PGBD2: variants seen among roughly 807,000 people sequenced by gnomAD.
PGBD2 encodes the protein piggyBac transposable element-derived protein 2.
Under a neutral mutation model 8.1 loss-of-function variants are expected in PGBD2, and 6 were observed. The ratio of observed to expected loss-of-function variants is 0.74; its 90% CI spans 0.40 to 1.46. PGBD2 has a LOEUF of 1.46. Among genes scored for constraint, PGBD2 ranks in the 40% most tolerant of loss-of-function variants. PGBD2 has a pLI of 0.02. For synonymous variants in PGBD2, 318 were observed against 272.2 expected (o/e 1.17, Z -1.66); for missense variants, 802 against 739.0 (o/e 1.09, Z -0.99).
the PGBD2 span, among the ~76,000 whole-genome samples, chr1:248,885,936 C>T: frequency 6.6e-6 from 1 of 152,116 alleles, no homozygotes; most frequent in Non-Finnish European, 1.5e-5. Context: ...GCCATTAGAA[C>T]ATAATGTCTT....
chr1:248,920,577 T>C (rs1217939973), downstream of PGBD2, among the ~76,000 whole-genome samples: 1 of 152,244 alleles, frequency 6.6e-6, no homozygotes, highest in East Asian at 1.9e-4. Context: ...AAGTCTTTGC[T>C]ATTGTGAATA....
chr1:248,923,033 T>C (rs1378179385), downstream of PGBD2, among the ~76,000 whole-genome samples: 13 of 152,228 alleles, frequency 8.5e-5, no homozygotes, highest in Admixed American at 7.8e-4. Context: ...GAAGGAATGG[T>C]ACCAGCTCCT....
In PGBD2 at chr1:248,916,304, C is replaced by T. The variant is rs181846660; in HGVS notation, c.18-298C>T. The stretch of plus-strand genomic sequence containing the variant: ...TGGCACGCACCTGTAGTCCCAGGTA[C>T]TCGGGAGGCTGAGGCAGGAGAATCG... On this transcript the variant is annotated intron_variant, in intron 2 of 2. Transcript: ENST00000329291. Among the ~76,000 whole-genome samples, 344 of 152,116 alleles carry T rather than the reference C, an allele frequency of 2.3e-3. 4 individuals carry two copies. Among genetic ancestry groups the T allele is most frequent in the African/African-American group, 7.9e-3 (327 of 41,490 alleles).
In PGBD2 at chr1:248,916,977, T is replaced by G. The variant is rs753405600; in HGVS notation, c.393T>G (p.Ile131Met). The G allele has an allele frequency of 1.6e-5, 26 of 1,612,674 alleles. No individual in the cohort carries two copies. The highest frequency in any genetic ancestry group is 2.2e-5 in the East Asian group (1 of 44,890). Residue 131 changes from isoleucine to methionine, a missense_variant, in exon 3 of 3, where the codon ATT (isoleucine) becomes ATG (methionine). Coordinates refer to ENST00000329291, the MANE Select transcript of PGBD2 (RefSeq NM_170725.3). ...FGSWTASDPH[I>M]EDLKSQELSP... is the part of the protein sequence containing the mutation. ...GTTGGACTGCATCAGATCCTCATAT[T>G]GAGGATCTGAAAAGCCAAGAGCTGA...
At chr1:248,912,774 T>G (rs1661947253) in intron 1 of PGBD2, 1 of 151,818 alleles carries the variant, frequency 6.6e-6, no homozygotes, top group African/African-American at 2.4e-5. Context: ...AATTTTAGTA[T>G]ATGTGCTGCC....
the PGBD2 span, among the ~76,000 whole-genome samples, chr1:248,880,209 GACCCTCAAAGCT>G: frequency 0.032 from 4,876 of 152,202 alleles, 264 homozygotes; most frequent in African/African-American, 0.11. Flanking sequence ...AGACCTGATT[GACCCTCAAAGCT>G]GTTGTCTCCA....
chr1:248,887,514 A>G, the PGBD2 span, among the ~76,000 whole-genome samples: 2 of 152,180 alleles, frequency 1.3e-5, no homozygotes, highest in Non-Finnish European at 2.9e-5. Flanking sequence ...TTATATCAGG[A>G]GGCATATAAT....
chr1:248,889,727 C>T, the PGBD2 span, among the ~76,000 whole-genome samples: 9 of 152,126 alleles, frequency 5.9e-5, no homozygotes, highest in African/African-American at 2.2e-4. Flanking sequence ...AAACAGTGGG[C>T]CTTAATAAGC....
At chr1:248,921,382 A>C (rs967635021), downstream of PGBD2, among the ~76,000 whole-genome samples, 13 of 152,184 alleles carry the variant, frequency 8.5e-5, no homozygotes, top group African/African-American at 2.7e-4. Flanking sequence ...TCCCAACACT[A>C]TTAAATAGGG....
chr1:248,907,663 A>G (rs953249054), intron 1 of PGBD2, among the ~76,000 whole-genome samples: 2 of 152,212 alleles, frequency 1.3e-5, no homozygotes, highest in Admixed American at 1.3e-4. Context: ...TACCAAGCAT[A>G]CTGCTTGTAA....
At chr1:248,925,729 A>G in the PGBD2 span, among the ~76,000 whole-genome samples, 1 of 152,144 alleles carries the variant, frequency 6.6e-6, no homozygotes, top group East Asian at 1.9e-4. Context: ...AGAGAGGGAC[A>G]GAAATAGACA....
chr1:248,917,302 G>A lies in PGBD2; in HGVS notation c.718G>A (p.Asp240Asn). 1 of 1,614,194 alleles carries A rather than the reference G, an allele frequency of 6.2e-7. No individual in the cohort carries two copies. Among genetic ancestry groups the A allele is most frequent in the Non-Finnish European group, 8.5e-7 (1 of 1,180,034 alleles). Residue 240 changes from aspartate (D) to asparagine (N), a missense_variant, in exon 3 of 3, where the codon GAT (aspartate) becomes AAT (asparagine). Physicochemically the swap from Asp to Asn is conservative, Grantham distance 23. Coordinates refer to ENST00000329291, the MANE Select transcript of PGBD2 (RefSeq NM_170725.3). The part of the protein sequence containing the change: ...FADNNELDAS[D>N]RFAKVRPLII... ...AGATAACAACGAACTTGATGCAAGT[G>A]ATAGGTTTGCCAAGGTCAGACCTCT...
chr1:248,917,416 C>T lies in PGBD2; in HGVS notation c.832C>T (p.His278Tyr). The change falls in exon 3 of 3, where the codon CAC becomes TAC. Residue 278 changes from histidine (H) to tyrosine (Y), a missense_variant. By Grantham distance (83) the His-to-Tyr change is moderately conservative. Coordinates refer to ENST00000329291, the MANE Select transcript of PGBD2 (RefSeq NM_170725.3). ...FGESMCEYFGHRGSKQLHRGK... is the reference protein window; with the variant it reads ...FGESMCEYFGYRGSKQLHRGK... ...CGAGTCTATGTGTGAGTACTTTGGG[C>T]ACCGGGGGTCCAAGCAGCTGCACAG... 1 of 1,614,100 alleles carries T rather than the reference C, an allele frequency of 6.2e-7. No individual in the cohort carries two copies. Among genetic ancestry groups the T allele is most frequent in the Non-Finnish European group, 8.5e-7 (1 of 1,180,018 alleles).
chr1:248,873,234 C>G, the PGBD2 span, among the ~76,000 whole-genome samples: 1 of 152,146 alleles, frequency 6.6e-6, no homozygotes, highest in African/African-American at 2.4e-5. Context: ...TCCCATTGGA[C>G]GCTAAGGCAC....
the PGBD2 span, among the ~76,000 whole-genome samples, chr1:248,897,288 T>G: frequency 7.7e-6 from 1 of 130,394 alleles, no homozygotes; most frequent in Non-Finnish European, 1.5e-5. Flanking sequence ...TGCTAGCCGA[T>G]CGGAACAAAT....
chr1:248,905,083 C>T (rs1158185514), upstream of PGBD2, among the ~76,000 whole-genome samples: 1 of 152,184 alleles, frequency 6.6e-6, no homozygotes, highest in Non-Finnish European at 1.5e-5. Flanking sequence ...GTAGCACTCC[C>T]ATTTTCCCAT....
chr1:248,914,242 T>TG (rs1662013433), intron 2 of PGBD2, among the ~76,000 whole-genome samples: 1 of 152,194 alleles, frequency 6.6e-6, no homozygotes, highest in African/African-American at 2.4e-5. Context: ...TTTGAGAGTC[T>TG]GGGGGTGAGC....
At chr1:248,892,476 T>C in the PGBD2 span, among the ~76,000 whole-genome samples, 1 of 151,512 alleles carries the variant, frequency 6.6e-6, no homozygotes, top group Non-Finnish European at 1.5e-5. Context: ...AGTGATTGGA[T>C]GGAGGCGTGA....
chr1:248,891,900 T>G, the PGBD2 span, among the ~76,000 whole-genome samples: 42 of 152,354 alleles, frequency 2.8e-4, no homozygotes, highest in African/African-American at 9.9e-4. Flanking sequence ...TAATTTATAC[T>G]TTCTAGGTAA....
Sources: gnomAD v4.1 joint callset for allele counts (sites outside exome capture counted in the v4.1 genomes callset) on GRCh38, gnomAD v4.1.1 for gene constraint, MANE v1.5 for transcripts, NCBI Gene and HGNC (gene_info 2026-07-23, HGNC 2026-07-21) for gene names.